PRDM11: variants seen among roughly 807,000 people sequenced by gnomAD.
PRDM11 encodes PR/SET domain 11.
A neutral mutation model predicts 97.8 loss-of-function variants in PRDM11; 20 were observed. That is an observed-to-expected ratio of 0.20 (90% CI 0.14 to 0.30). PRDM11 has a LOEUF of 0.30. Among genes scored for constraint, PRDM11 ranks in the 10% least tolerant of loss-of-function variants. The pLI is 1.00. For missense variants in PRDM11, 1,139 were observed against 1,555.2 expected, an observed-to-expected ratio of 0.73 and a Z score of 4.50; for synonymous variants, 599 against 637.7, an observed-to-expected ratio of 0.94 and a Z score of 0.91.
chr11:45,176,714 G>A (rs1852336533), intron 1 of PRDM11, among the ~76,000 whole-genome samples: 1 of 152,138 alleles, frequency 6.6e-6, no homozygotes, highest in Non-Finnish European at 1.5e-5. Context: ...GTATTCATTT[G>A]CAAATCTGTC....
intron 1 of PRDM11, among the ~76,000 whole-genome samples, chr11:45,096,208 T>C (rs535551339): frequency 2.6e-3 from 396 of 152,360 alleles, no homozygotes; most frequent in Non-Finnish European, 4.3e-3. Flanking sequence ...CCATGTTCAC[T>C]GCCAGATCAC....
upstream of PRDM11, among the ~76,000 whole-genome samples, chr11:45,094,571 G>T (rs1430636512): frequency 7.0e-6 from 1 of 142,624 alleles, no homozygotes; most frequent in African/African-American, 2.6e-5. Context: ...AGGAGAGGAG[G>T]GGAAAGGAGA....
At chr11:45,181,006 C>CGGGTA (rs1267834456) in intron 1 of PRDM11, among the ~76,000 whole-genome samples, 1 of 152,180 alleles carries the variant, frequency 6.6e-6, no homozygotes, top group Non-Finnish European at 1.5e-5. Context: ...AGCGGGGCCC[C>CGGGTA]GGGTAGTGAG....
intron 1 of PRDM11, among the ~76,000 whole-genome samples, chr11:45,108,125 G>A (rs536510513): frequency 4.6e-5 from 7 of 152,238 alleles, no homozygotes; most frequent in East Asian, 1.9e-4. Flanking sequence ...ACTGCACCCC[G>A]CCCTGGATTC....
chr11:45,199,699 C>T (rs1027556532), intron 4 of PRDM11, among the ~76,000 whole-genome samples: 2 of 152,206 alleles, frequency 1.3e-5, no homozygotes, highest in Non-Finnish European at 2.9e-5. Flanking sequence ...GAGCATCTGG[C>T]CCTGCTGTCA....
intron 1 of PRDM11, among the ~76,000 whole-genome samples, chr11:45,132,951 C>G (rs1020744742): frequency 1.3e-5 from 2 of 152,206 alleles, no homozygotes; most frequent in East Asian, 3.9e-4. Context: ...GGAGCAACAC[C>G]CTGCTTAAGA....
At position 45,181,801 on chromosome 11, in the gene PRDM11, C is replaced by T; in HGVS notation, c.35C>T (p.Thr12Ile). The T allele has an allele frequency of 6.2e-7, 1 of 1,613,582 alleles. No homozygotes were observed. The highest frequency in any genetic ancestry group is 8.5e-7 in the Non-Finnish European group (1 of 1,179,928). The change falls in exon 2 of 8, where the codon ACC becomes ATC. Residue 12 changes from threonine (T) to isoleucine (I), a missense_variant. Thr to Ile is a moderately conservative substitution (Grantham distance 89, BLOSUM62 -1). Coordinates refer to ENST00000683152, the MANE Select transcript of PRDM11 (RefSeq NM_001384648.1). ...TENMKECLAQ[T>I]NAAVGDMVTV... ...AACATGAAGGAGTGCTTGGCCCAGACCAATGCAGCCGTGGGGGATATGGTG... is the reference window on the plus strand; with the variant it reads ...AACATGAAGGAGTGCTTGGCCCAGATCAATGCAGCCGTGGGGGATATGGTG...
Position 45,182,976 on chromosome 11 carries a change from C to T in PRDM11, c.339C>T (p.Ile113=). 1 of 1,614,060 alleles carries T rather than the reference C, an allele frequency of 6.2e-7. No homozygotes were observed. Among genetic ancestry groups the T allele is most frequent in the Admixed American group, 1.7e-5 (1 of 60,028 alleles). The stretch of plus-strand genomic sequence containing the variant: ...TCCCAGACCGGGCGGCGCTCACCAT[C>T]CCACAGGGCATGGAGGTGGTCAAGG... The part of the protein sequence containing the change: ...VGIPDRAALT[I]PQGMEVVKDT... The change falls in exon 4 of 8, where the codon ATC becomes ATT. Residue 113 remains isoleucine (I), a synonymous_variant. Coordinates refer to ENST00000683152, the MANE Select transcript of PRDM11 (RefSeq NM_001384648.1).
At chr11:45,100,658 C>CGT (rs1565219028) in intron 1 of PRDM11, among the ~76,000 whole-genome samples, 1 of 152,228 alleles carries the variant, frequency 6.6e-6, no homozygotes, top group Non-Finnish European at 1.5e-5. Context: ...TTTGCATACC[C>CGT]ATCAGCCAGT....
In PRDM11 at chr11:45,112,553, C is replaced by T. The variant is rs564211985; in HGVS notation, c.96+16652C>T. On this transcript the variant is annotated intron_variant, in intron 1 of 6. Coordinates refer to the PRDM11 transcript ENST00000530656. The stretch of plus-strand genomic sequence containing the variant: ...TGGTTGTACTAATTTACATTCTCAC[C>T]AGCAACATAAACGTGTTCCCTTTTC... Among the ~76,000 whole-genome samples the T allele has an allele frequency of 2.6e-5, 4 of 152,322 alleles. No homozygotes were observed. In the South Asian group the frequency reaches 8.3e-4, roughly 32 times the overall value.
At position 45,228,225 on chromosome 11, in the gene PRDM11, ATATAT is replaced by A. The variant is rs1854323756; in HGVS notation, c.*72_*76del. 1.8e-6 allele frequency: 1 copy of A among 544,930 alleles called. No individual in the cohort carries two copies. Among genetic ancestry groups the A allele is most frequent in the South Asian group, 7.9e-5 (1 of 12,734 alleles). The allele number at this position is 544,930 out of a possible 1,614,324, so 33.8% of individuals were successfully genotyped here. On this transcript the variant is annotated 3_prime_UTR_variant, in exon 8 of 8. Transcript: ENST00000683152. ...TTTTAATCTATACTCATAAGCTTTG[ATATAT>A]TATATAAATATATATTATATTATAT...
chr11:45,188,620 C>T (rs1023436981), intron 4 of PRDM11, among the ~76,000 whole-genome samples: 1 of 152,234 alleles, frequency 6.6e-6, no homozygotes, highest in Non-Finnish European at 1.5e-5. Flanking sequence ...GACCGAATGG[C>T]CATTTCCACT....
chr11:45,202,704 G>A (rs1432549378), intron 4 of PRDM11, among the ~76,000 whole-genome samples: 2 of 152,122 alleles, frequency 1.3e-5, no homozygotes, highest in Non-Finnish European at 2.9e-5. Flanking sequence ...GAGGCAGAGA[G>A]GGTCTTCCAC....
chr11:45,159,085 G>A (rs956723802), intron 1 of PRDM11, among the ~76,000 whole-genome samples: 30 of 152,256 alleles, frequency 2.0e-4, no homozygotes, highest in African/African-American at 7.0e-4. Context: ...TCTGCTCCCC[G>A]GGCTTCGGTT....
intron 1 of PRDM11, among the ~76,000 whole-genome samples, chr11:45,156,647 A>G (rs1276630271): frequency 6.6e-6 from 1 of 152,262 alleles, no homozygotes; most frequent in Non-Finnish European, 1.5e-5. Flanking sequence ...TTAAAAAGTA[A>G]AGAAGTCACT....
In PRDM11 at chr11:45,226,502, A is replaced by G. The variant is rs1345854082; in HGVS notation, c.1877A>G (p.Gln626Arg). Residue 626 changes from glutamine to arginine, a missense_variant, in exon 8 of 8, where the codon CAG (glutamine) becomes CGG (arginine). Physicochemically the swap from Gln to Arg is conservative, Grantham distance 43 (BLOSUM62 1). Transcript: ENST00000683152. ...AAGTGTGAGCTCAAGGTGGTGGACC[A>G]GTACATGAATGAGGGAGACTGCCAG... ...LRKCELKVVDQYMNEGDCQIL... is the reference protein window; with the variant it reads ...LRKCELKVVDRYMNEGDCQIL... 6.5e-7 allele frequency: 1 copy of G among 1,533,988 alleles called. No individual in the cohort carries two copies. The highest frequency in any genetic ancestry group is 2.4e-5 in the East Asian group (1 of 40,904).
At position 45,228,060 on chromosome 11, in the gene PRDM11, C is replaced by G. The variant is rs534212188; in HGVS notation, c.3435C>G (p.Tyr1145Ter). Residue 1145 changes from tyrosine to a stop codon, truncating the protein, a stop_gained, in exon 8 of 8, where the codon TAC becomes TAG. Coordinates refer to ENST00000683152, the MANE Select transcript of PRDM11 (RefSeq NM_001384648.1). LOFTEE classifies it high-confidence loss of function. ...SWFEEKSGNS[Y>*]ALSAEVLSRM... is the part of the protein sequence containing the mutation. ...TTGAGGAGAAGTCTGGGAACAGTTA[C>G]GCGCTGTCTGCAGAAGTCCTCAGTA... is the stretch of plus-strand genomic sequence containing the variant. 1 of 1,533,758 alleles carries G rather than the reference C, an allele frequency of 6.5e-7. No individual in the cohort carries two copies. Among genetic ancestry groups the G allele is most frequent in the South Asian group, 1.2e-5 (1 of 83,952 alleles).
rs915643949 is a variant in PRDM11 at position 45,229,501 on chromosome 11, GACACACACACAC to G, written c.*1350_*1361del. 1 of 45,290 alleles carries G rather than the reference GACACACACACAC, an allele frequency of 2.2e-5. No individual in the cohort carries two copies. Among genetic ancestry groups the G allele is most frequent in the African/African-American group, 6.5e-5 (1 of 15,306 alleles). 2.8% of individuals were successfully genotyped at this position (45,290 alleles called of 1,614,324 possible). A position where few individuals can be genotyped will look rare whatever the true frequency, so the allele number is the denominator to read the frequency against. ...ACACACAGACACACACACACACACAGACACACACACACACACACAATCACAATATACAATATA... is the reference window on the plus strand; with the variant it reads ...ACACACAGACACACACACACACACAGACACACAATCACAATATACAATATA... On this transcript the variant is annotated 3_prime_UTR_variant, in exon 8 of 8. Transcript: ENST00000683152.
At chr11:45,171,142 C>G (rs1476802764) in intron 1 of PRDM11, among the ~76,000 whole-genome samples, 2 of 152,014 alleles carry the variant, frequency 1.3e-5, no homozygotes, top group Non-Finnish European at 2.9e-5. Flanking sequence ...CTCTGTCACC[C>G]AGGCTCAAGT....
Sources: allele counts gnomAD v4.1 joint callset (sites outside exome capture counted in the v4.1 genomes callset), GRCh38; gene constraint gnomAD v4.1.1; transcripts MANE v1.5; gene names NCBI Gene and HGNC (gene_info 2026-07-23, HGNC 2026-07-21).